NECTIN2: variants seen among roughly 807,000 people sequenced by gnomAD.
The protein encoded by NECTIN2 is nectin-2.
Under a neutral mutation model 56.9 loss-of-function variants are expected in NECTIN2, and 23 were observed. The ratio of observed to expected loss-of-function variants is 0.40; its 90% CI spans 0.29 to 0.57. The LOEUF is 0.57. Ranked by LOEUF, NECTIN2 falls within the 20% of genes least tolerant of loss-of-function variation. The probability of loss-of-function intolerance (pLI) is 0.38; values close to 1 mark genes in which losing one functional copy is unlikely to be tolerated. For missense variants in NECTIN2, 587 were observed against 718.3 expected, an observed-to-expected ratio of 0.82 and a Z score of 2.09; for synonymous variants, 302 against 313.8, an observed-to-expected ratio of 0.96 and a Z score of 0.40.
Position 44,888,236 on chromosome 19 carries a change from C to T in NECTIN2, c.1474C>T (p.Leu492=), listed in dbSNP as rs1241785754. The T allele has an allele frequency of 1.5e-5, 24 of 1,614,152 alleles. No individual in the cohort carries two copies. The highest frequency in any genetic ancestry group is 2.0e-5 in the Non-Finnish European group (24 of 1,180,020). Residue 492 remains leucine (L), a synonymous_variant, in exon 9 of 9, where the codon CTG becomes TTG. Coordinates refer to ENST00000252483, the MANE Select transcript of NECTIN2 (RefSeq NM_001042724.2). The part of the protein sequence containing the change: ...PGPPAVEDVS[L]DLEDEEGEEE... ...GCCACCTGCTGTGGAAGACGTTTCC[C>T]TGGATCTAGAGGATGAGGAGGGGGA...
Position 44,871,848 on chromosome 19 carries a change from C to T in NECTIN2, c.479-5C>T. ...GTGACGCACCCCCTCTCCTCCTCTC[C>T]CCAGCCAAGCCCAAGAACCAAGCTG... On this transcript the variant is annotated splice_polypyrimidine_tract_variant and splice_region_variant and intron_variant, in intron 2 of 8. Transcript: ENST00000252483. 1 of 1,610,586 alleles carries T rather than the reference C, an allele frequency of 6.2e-7. No individual in the cohort carries two copies. The highest frequency in any genetic ancestry group is 8.5e-7 in the Non-Finnish European group (1 of 1,177,046).
chr19:44,862,603 A>C, intron 1 of NECTIN2, among the ~76,000 whole-genome samples: 1 of 152,328 alleles, frequency 6.6e-6, no homozygotes, highest in East Asian at 1.9e-4. Context: ...TAGAAAGTCA[A>C]ATACCACATG....
rs192369505 is a variant in NECTIN2, at chr19:44,865,197, C to G, written c.89-74C>G. On this transcript the variant is annotated intron_variant, in intron 1 of 8. Coordinates refer to ENST00000252483, the MANE Select transcript of NECTIN2 (RefSeq NM_001042724.2). The surrounding 1 kb of genome is among the most constrained non-coding windows in gnomAD (Gnocchi z 5.2). ...CCTGCATTTCCCGTGGGGCCCCCTT[C>G]GTGGTGGCCCTGCCTGGAGGTGTCT... 436 of 1,453,108 alleles carry G rather than the reference C, an allele frequency of 3.0e-4. No homozygotes were observed. The African/African-American group carries it at 5.6e-3, about 19-fold the overall frequency. 90.0% of individuals were successfully genotyped at this position (1,453,108 alleles called of 1,614,324 possible).
intron 6 of NECTIN2, among the ~76,000 whole-genome samples, chr19:44,882,905 C>T (rs372860092): frequency 6.6e-5 from 10 of 151,192 alleles, no homozygotes; most frequent in African/African-American, 1.7e-4. Context: ...CCTCAGCCTC[C>T]GGAGTAGCTG....
chr19:44,859,044 C>T (rs566189748), intron 1 of NECTIN2, among the ~76,000 whole-genome samples: 14 of 152,220 alleles, frequency 9.2e-5, no homozygotes, highest in Non-Finnish European at 1.5e-4. Flanking sequence ...CTGCCTTCCA[C>T]CGGGGACCCC....
intron 5 of NECTIN2, among the ~76,000 whole-genome samples, chr19:44,876,186 T>G (rs977373657): frequency 2.6e-5 from 4 of 152,170 alleles, no homozygotes; most frequent in African/African-American, 9.6e-5. Context: ...CTTGCTGAGG[T>G]TGGGAATACA....
At chr19:44,858,334 T>A (rs936354657) in intron 1 of NECTIN2, among the ~76,000 whole-genome samples, 11 of 151,954 alleles carry the variant, frequency 7.2e-5, no homozygotes, top group Admixed American at 4.6e-4. Flanking sequence ...GCTTTTTTTT[T>A]TATATTTATT....
At chr19:44,869,817 C>T (rs1414411787) in intron 2 of NECTIN2, among the ~76,000 whole-genome samples, 8 of 151,864 alleles carry the variant, frequency 5.3e-5, no homozygotes, top group African/African-American at 1.2e-4. Context: ...GGAATGGTGG[C>T]GCACACCTGT....
chr19:44,880,448 G>A (rs949382337), intron 5 of NECTIN2, among the ~76,000 whole-genome samples: 15 of 142,898 alleles, frequency 1.0e-4, no homozygotes, highest in South Asian at 8.9e-4. Flanking sequence ...CAGGCTTCTC[G>A]CTTCTCGACC....
chr19:44,847,467 T>C (rs1390668378), intron 1 of NECTIN2, among the ~76,000 whole-genome samples: 2 of 152,024 alleles, frequency 1.3e-5, no homozygotes, highest in African/African-American at 2.4e-5. Flanking sequence ...TCAGACTTAA[T>C]TGTAGGCAGA....
intron 5 of NECTIN2, chr19:44,878,898 C>A: frequency 7.9e-7 from 1 of 1,268,668 alleles, no homozygotes; most frequent in Non-Finnish European, 9.9e-7. Flanking sequence ...TCCCCTGGCC[C>A]CGTGACACTC....
intron 2 of NECTIN2, among the ~76,000 whole-genome samples, chr19:44,870,465 G>T (rs953439384): frequency 6.6e-6 from 1 of 152,128 alleles, no homozygotes; most frequent in Non-Finnish European, 1.5e-5. Flanking sequence ...TGTGAGTCTG[G>T]GTGGGGGACA....
intron 5 of NECTIN2, among the ~76,000 whole-genome samples, chr19:44,876,151 ATG>A (rs1007652547): frequency 6.6e-6 from 1 of 152,172 alleles, no homozygotes; most frequent in African/African-American, 2.4e-5. Context: ...TTCAACAAAT[ATG>A]TGTTTCCTGT....
In NECTIN2 at chr19:44,865,574, C is replaced by G. The variant is rs778371949; in HGVS notation, c.392C>G (p.Thr131Arg). ...GCCACGCTGGCCCTCCACGGGCTCA[C>G]GGTGGAGGACGAGGGCAACTACACT... Reference protein sequence around the residue: ...QDATLALHGLTVEDEGNYTCE... With the variant: ...QDATLALHGLRVEDEGNYTCE... The change falls in exon 2 of 9, where the codon ACG becomes AGG. Residue 131 changes from threonine (T) to arginine (R), a missense_variant. Coordinates refer to ENST00000252483, the MANE Select transcript of NECTIN2 (RefSeq NM_001042724.2). This position sits in a 1 kb window ranked among gnomAD's most constrained non-coding sequence, Gnocchi z 5.2. 6.5e-7 allele frequency: 1 copy of G among 1,550,164 alleles called. No homozygotes were observed. The highest frequency in any genetic ancestry group is 1.4e-5 in the African/African-American group (1 of 73,356).
chr19:44,887,515 G>A (rs1437075002), intron 8 of NECTIN2, among the ~76,000 whole-genome samples: 1 of 146,634 alleles, frequency 6.8e-6, no homozygotes, highest in Non-Finnish European at 1.5e-5. Context: ...CGTGGTGGCG[G>A]GCGCCTGTAA....
chr19:44,864,011 T>A (rs1032245064), intron 1 of NECTIN2, among the ~76,000 whole-genome samples: 1 of 50,322 alleles, frequency 2.0e-5, no homozygotes, highest in Admixed American at 1.6e-4. Flanking sequence ...TTTCAGAGGA[T>A]TCCCCCCCCC....
At chr19:44,851,040 G>A (rs1214993895) in intron 1 of NECTIN2, among the ~76,000 whole-genome samples, 4 of 151,834 alleles carry the variant, frequency 2.6e-5, no homozygotes, top group Non-Finnish European at 5.9e-5. Flanking sequence ...GCCTCCCTCA[G>A]ACCCAGAAGC....
intron 1 of NECTIN2, among the ~76,000 whole-genome samples, chr19:44,858,607 A>G (rs536999784): frequency 6.6e-6 from 1 of 152,074 alleles, no homozygotes; most frequent in South Asian, 2.1e-4. Flanking sequence ...TACAGGCATG[A>G]GCCGCAGCAC....
At chr19:44,848,099 G>C (rs935480454) in intron 1 of NECTIN2, among the ~76,000 whole-genome samples, 5 of 152,152 alleles carry the variant, frequency 3.3e-5, no homozygotes, top group African/African-American at 1.2e-4. Context: ...CACCTCTCTG[G>C]CCTCATTTCC....
Sources: gnomAD v4.1 joint callset for allele counts (sites outside exome capture counted in the v4.1 genomes callset) on GRCh38, gnomAD v4.1.1 for gene constraint, Gnocchi (gnomAD v3.1) non-coding constraint, MANE v1.5 for transcripts, NCBI Gene and HGNC (gene_info 2026-07-23, HGNC 2026-07-21) for gene names.